Variants in INPP4A observed in about 807,000 individuals in gnomAD.
INPP4A encodes inositol polyphosphate-4-phosphatase type I A, also known as inositol polyphosphate-4-phosphatase, type I, 107kD.
INPP4A carries 33 observed loss-of-function variants against 119.8 expected under a neutral mutation model. That is an observed-to-expected ratio of 0.28 (90% CI 0.21 to 0.37). The LOEUF (loss-of-function observed/expected upper bound fraction) is 0.37. INPP4A is among the 10% of genes least tolerant of loss of function. INPP4A has a pLI of 1.00. For synonymous variants in INPP4A, 496 were observed against 500.7 expected (o/e 0.99, Z 0.12); for missense variants, 956 against 1,289.9 (o/e 0.74, Z 3.97).
chr2:98,470,652 G>A (rs1675808604), intron 1 of INPP4A, among the ~76,000 whole-genome samples: 1 of 152,096 alleles, frequency 6.6e-6, no homozygotes, highest in East Asian at 1.9e-4. Flanking sequence ...GGAGCTGGAA[G>A]ACATTTCTTT....
At position 98,544,045 on chromosome 2, in the gene INPP4A, G is replaced by A. The variant is rs537854072; in HGVS notation, c.949+38G>A. 1.6e-4 allele frequency: 232 copies of A among 1,441,440 alleles called. No homozygotes were observed. In the African/African-American group the frequency reaches 2.5e-3, roughly 16 times the overall value. 89.3% of individuals were successfully genotyped at this position (1,441,440 alleles called of 1,614,324 possible). A position where few individuals can be genotyped will look rare whatever the true frequency, so the allele number is the denominator to read the frequency against. On this transcript the variant is annotated intron_variant, in intron 11 of 24. Coordinates refer to ENST00000409851, the MANE Select transcript of INPP4A (RefSeq NM_001134225.2). ...CCATGCTGTCACCACACACGCGTGC[G>A]CACACACACACACACACACTCTCAC...
intron 21 of INPP4A, among the ~76,000 whole-genome samples, chr2:98,568,196 A>C (rs1479826722): frequency 6.6e-6 from 1 of 152,136 alleles, no homozygotes; most frequent in Non-Finnish European, 1.5e-5. Context: ...ACAGGGCTGC[A>C]TCCTCACCTC....
At chr2:98,583,408 G>A (rs1453759897) in intron 24 of INPP4A, among the ~76,000 whole-genome samples, 3 of 152,158 alleles carry the variant, frequency 2.0e-5, no homozygotes, top group Non-Finnish European at 2.9e-5. Context: ...GTTTCTGCTG[G>A]TGCCCCCTCA....
intron 13 of INPP4A, among the ~76,000 whole-genome samples, chr2:98,547,073 A>G (rs1692612160): frequency 6.6e-6 from 1 of 152,200 alleles, no homozygotes; most frequent in Admixed American, 6.5e-5. Flanking sequence ...AGCAGTGGTA[A>G]ACATTCCCAG....
chr2:98,508,777 G>T (rs1684570049), intron 1 of INPP4A, among the ~76,000 whole-genome samples: 1 of 152,236 alleles, frequency 6.6e-6, no homozygotes, highest in Non-Finnish European at 1.5e-5. Flanking sequence ...GAACCGCGCT[G>T]CTCCTGGTGC....
chr2:98,450,818 C>G (rs1276080301), intron 1 of INPP4A, among the ~76,000 whole-genome samples: 1 of 152,168 alleles, frequency 6.6e-6, no homozygotes, highest in African/African-American at 2.4e-5. Flanking sequence ...GGCTAGAGTG[C>G]AGTGGCTCTA....
At chr2:98,521,405 G>A (rs1281937125) in intron 4 of INPP4A, 1 of 152,276 alleles carries the variant, frequency 6.6e-6, no homozygotes, top group East Asian at 1.9e-4. Context: ...TGTCCAAGAG[G>A]TGGTGTGACA....
At chr2:98,466,376 G>T (rs2104747562) in intron 1 of INPP4A, among the ~76,000 whole-genome samples, 1 of 152,338 alleles carries the variant, frequency 6.6e-6, no homozygotes, top group African/African-American at 2.4e-5. Flanking sequence ...ACCCTGTAGA[G>T]CACTCACTGT....
At position 98,592,696 on chromosome 2, in the gene INPP4A, C is replaced by T. The variant is rs1700456058; in HGVS notation, c.*5088C>T. On this transcript the variant is annotated 3_prime_UTR_variant, in exon 25 of 25. Coordinates refer to ENST00000409851, the MANE Select transcript of INPP4A (RefSeq NM_001134225.2). ...GAGCGCTGGGTTGTACAGATGGAAACTTGTGTTTAGCAGGCTGTCTGCTCC... is the reference window on the plus strand; with the variant it reads ...GAGCGCTGGGTTGTACAGATGGAAATTTGTGTTTAGCAGGCTGTCTGCTCC... 2 of 152,340 alleles carry T rather than the reference C, an allele frequency of 1.3e-5. 1 individual carries two copies. The highest frequency in any genetic ancestry group is 4.1e-4 in the South Asian group (2 of 4,836). The allele number at this position is 152,340 out of a possible 1,614,324, so 9.4% of individuals were successfully genotyped here. A position where few individuals can be genotyped will look rare whatever the true frequency, so the allele number is the denominator to read the frequency against.
At chr2:98,464,672 C>T (rs1674377483) in intron 1 of INPP4A, among the ~76,000 whole-genome samples, 1 of 152,200 alleles carries the variant, frequency 6.6e-6, no homozygotes, top group Admixed American at 6.5e-5. Flanking sequence ...TGCTGTGTTT[C>T]TGCAAGGTAA....
intron 13 of INPP4A, among the ~76,000 whole-genome samples, chr2:98,548,439 G>A (rs1692880828): frequency 6.6e-6 from 1 of 152,176 alleles, no homozygotes; most frequent in Non-Finnish European, 1.5e-5. Flanking sequence ...ATTGCATGTT[G>A]CCCTGTGGAG....
chr2:98,525,818 T>TAAC lies in INPP4A; in HGVS notation c.151+5105_151+5107dup, dbSNP rs553533147. On this transcript the variant is annotated intron_variant, in intron 4 of 24. Coordinates refer to ENST00000409851, the MANE Select transcript of INPP4A (RefSeq NM_001134225.2). ...ACACATCTATTAGAATGGGTAAAAT[T>TAAC]AACAACAACAACAACAACAAAACAA... 1.2e-3 allele frequency among the ~76,000 whole-genome samples: 190 copies of TAAC among 152,278 alleles called. 1 individual carries two copies. The highest frequency in any genetic ancestry group is 4.2e-3 in the African/African-American group (176 of 41,568).
intron 1 of INPP4A, among the ~76,000 whole-genome samples, chr2:98,472,745 T>C (rs575341525): frequency 2.0e-4 from 30 of 152,330 alleles, no homozygotes; most frequent in African/African-American, 7.2e-4. Context: ...GAACCTGATA[T>C]TCTCCTCTTA....
In INPP4A at chr2:98,535,896, A is replaced by G. The variant is rs1441069606; in HGVS notation, c.387+51A>G. On this transcript the variant is annotated intron_variant, in intron 6 of 24. Coordinates refer to ENST00000409851, the MANE Select transcript of INPP4A (RefSeq NM_001134225.2). ...GGATTTTCTTCCCTTTGAAAAAATTATATAATCGTTTGAATGAGAGATGAA... is the reference window on the plus strand; with the variant it reads ...GGATTTTCTTCCCTTTGAAAAAATTGTATAATCGTTTGAATGAGAGATGAA... 8 of 939,988 alleles carry G rather than the reference A, an allele frequency of 8.5e-6. No individual in the cohort carries two copies. The East Asian group carries it at 1.3e-4, about 15-fold the overall frequency. The allele number at this position is 939,988 out of a possible 1,614,324, so 58.2% of individuals were successfully genotyped here.
At chr2:98,458,816 T>C (rs956041386) in intron 1 of INPP4A, among the ~76,000 whole-genome samples, 4 of 152,168 alleles carry the variant, frequency 2.6e-5, no homozygotes, top group African/African-American at 9.7e-5. Flanking sequence ...ATTTCCACAT[T>C]GCATCTCCAG....
At chr2:98,577,699 C>T (rs1698660811) in intron 24 of INPP4A, among the ~76,000 whole-genome samples, 1 of 152,188 alleles carries the variant, frequency 6.6e-6, no homozygotes, top group South Asian at 2.1e-4. Context: ...GCTCTGGCGA[C>T]CTCACCCTAA....
At chr2:98,584,938 G>T (rs1699789566) in intron 24 of INPP4A, among the ~76,000 whole-genome samples, 1 of 152,210 alleles carries the variant, frequency 6.6e-6, no homozygotes, top group Non-Finnish European at 1.5e-5. Flanking sequence ...GATGATTCAA[G>T]AAAGGGGTCA....
chr2:98,561,508 C>T (rs919422349), intron 17 of INPP4A, among the ~76,000 whole-genome samples: 8 of 152,226 alleles, frequency 5.3e-5, no homozygotes, highest in Admixed American at 6.5e-5. Flanking sequence ...TACCAAGTTC[C>T]ATATCTCCTC....
At chr2:98,511,206 C>T (rs1478939531) in intron 1 of INPP4A, among the ~76,000 whole-genome samples, 3 of 152,086 alleles carry the variant, frequency 2.0e-5, no homozygotes, top group East Asian at 1.9e-4. Flanking sequence ...ACTACAGGCA[C>T]GTGCCACCAC....
Sources: gnomAD v4.1 joint callset for allele counts (sites outside exome capture counted in the v4.1 genomes callset) on GRCh38, gnomAD v4.1.1 for gene constraint, MANE v1.5 for transcripts, NCBI Gene and HGNC (gene_info 2026-07-23, HGNC 2026-07-21) for gene names.